The following ATP9B variants were observed in gnomAD, a reference collection of about 807,000 sequenced individuals.
ATP9B encodes probable phospholipid-transporting ATPase IIB.
ATP9B carries 110 observed loss-of-function variants against 146.1 expected under a neutral mutation model. The observed-to-expected ratio is 0.75, with a 90% CI of 0.65 to 0.88. ATP9B has a LOEUF of 0.88. Ranked by LOEUF, ATP9B falls within the 40% of genes least tolerant of loss-of-function variation. ATP9B has a pLI of 0.00. For synonymous variants in ATP9B, 604 were observed against 569.7 expected, an observed-to-expected ratio of 1.06 and a Z score of -0.86; for missense variants, 1,499 against 1,496.4, an observed-to-expected ratio of 1.00 and a Z score of -0.03.
rs1049994363 is a variant in ATP9B at position 79,227,963 on chromosome 18, A to C, written c.1107+13925A>C. On this transcript the variant is annotated intron_variant, in intron 11 of 29. Coordinates refer to ENST00000426216, the MANE Select transcript of ATP9B (RefSeq NM_198531.5). ...TCCTTTCATGAGGGTTGAAAATCTC[A>C]TATTTGTTCACTTTGTATACATTAG... Among the ~76,000 whole-genome samples the C allele has an allele frequency of 2.0e-5, 3 of 152,104 alleles. No homozygotes were observed. The East Asian group carries it at 5.8e-4, about 29-fold the overall frequency.
At chr18:79,295,083 AATG>A (rs2096537870) in intron 13 of ATP9B, among the ~76,000 whole-genome samples, 1 of 129,608 alleles carries the variant, frequency 7.7e-6, no homozygotes, top group Non-Finnish European at 1.6e-5. Context: ...TGCATCCATG[AATG>A]CAAGCACACA....
chr18:79,182,168 T>G (rs183417504), intron 8 of ATP9B, among the ~76,000 whole-genome samples: 37 of 152,358 alleles, frequency 2.4e-4, no homozygotes, highest in African/African-American at 7.9e-4. Context: ...ATGATCCTGC[T>G]GGGATCCTGC....
At chr18:79,258,989 T>C (rs2096113281) in intron 12 of ATP9B, among the ~76,000 whole-genome samples, 1 of 152,248 alleles carries the variant, frequency 6.6e-6, no homozygotes, top group African/African-American at 2.4e-5. Flanking sequence ...TGCTTTTGGA[T>C]TGAATAAAGG....
intron 11 of ATP9B, among the ~76,000 whole-genome samples, chr18:79,217,245 C>T (rs1036079646): frequency 1.1e-4 from 16 of 152,286 alleles, no homozygotes; most frequent in African/African-American, 3.4e-4. Context: ...AGTGCGGTGG[C>T]GCAATCTCGG....
At chr18:79,082,101 A>T (rs529196803) in intron 1 of ATP9B, among the ~76,000 whole-genome samples, 3 of 152,040 alleles carry the variant, frequency 2.0e-5, no homozygotes, top group Non-Finnish European at 2.9e-5. Flanking sequence ...GGCTTTGTTC[A>T]TTCCTTTTCA....
At chr18:79,262,784 C>A (rs1247960753) in intron 12 of ATP9B, among the ~76,000 whole-genome samples, 1 of 152,164 alleles carries the variant, frequency 6.6e-6, no homozygotes, top group Non-Finnish European at 1.5e-5. Context: ...GTATCTTCAC[C>A]CAGTTTCAGA....
At chr18:79,089,668 CGATACATATGATGTTTT>C (rs1219682949) in intron 1 of ATP9B, among the ~76,000 whole-genome samples, 11 of 152,240 alleles carry the variant, frequency 7.2e-5, no homozygotes, top group Admixed American at 7.2e-4. Flanking sequence ...GACATTTATG[CGATACATATGATGTTTT>C]GATACATGCA....
At chr18:79,130,140 C>T (rs1166891061) in intron 5 of ATP9B, among the ~76,000 whole-genome samples, 2 of 152,180 alleles carry the variant, frequency 1.3e-5, no homozygotes, top group Non-Finnish European at 2.9e-5. Flanking sequence ...CTGAGGAAAG[C>T]CAGACATCAG....
intron 11 of ATP9B, among the ~76,000 whole-genome samples, chr18:79,235,635 C>T (rs549083732): frequency 1.4e-5 from 2 of 140,374 alleles, no homozygotes; most frequent in South Asian, 2.2e-4. Context: ...ACTCATGGTG[C>T]GTCACACTTG....
chr18:79,132,016 A>C (rs973470403), intron 5 of ATP9B, among the ~76,000 whole-genome samples: 1 of 152,216 alleles, frequency 6.6e-6, no homozygotes, highest in Non-Finnish European at 1.5e-5. Context: ...TGGTGATGAA[A>C]GTGTTTTGGG....
chr18:79,253,381 G>T lies in ATP9B; in HGVS notation c.1108G>T (p.Val370Phe), dbSNP rs746452091. ...VMNTSNPKNKVGLLDLELNRL... is the reference protein window; with the variant it reads ...VMNTSNPKNKFGLLDLELNRL... The stretch of plus-strand genomic sequence containing the variant: ...CATGTATTATGTGTTTTTCTTTCAG[G>T]TTGGTTTGTTGGACCTTGAACTCAA... The change falls in exon 12 of 30, where the codon GTT becomes TTT. Residue 370 changes from valine to phenylalanine, a missense_variant and splice_region_variant. Coordinates refer to ENST00000426216, the MANE Select transcript of ATP9B (RefSeq NM_198531.5). The T allele has an allele frequency of 6.2e-7, 1 of 1,603,358 alleles. No homozygotes were observed. Among genetic ancestry groups the T allele is most frequent in the Non-Finnish European group, 8.5e-7 (1 of 1,177,296 alleles).
chr18:79,191,715 G>A (rs1172438003), intron 8 of ATP9B, among the ~76,000 whole-genome samples: 1 of 152,106 alleles, frequency 6.6e-6, no homozygotes, highest in Non-Finnish European at 1.5e-5. Flanking sequence ...TACTCGTTAG[G>A]AGCATGTTTT....
chr18:79,231,750 C>T (rs974464870), intron 11 of ATP9B, among the ~76,000 whole-genome samples: 5 of 139,842 alleles, frequency 3.6e-5, no homozygotes, highest in African/African-American at 1.3e-4. Flanking sequence ...CATCAATCAA[C>T]GAGTAGATAA....
At position 79,255,765 on chromosome 18, in the gene ATP9B, G is replaced by A. The variant is rs371022692; in HGVS notation, c.1268+2224G>A. On this transcript the variant is annotated intron_variant, in intron 12 of 29. Transcript: ENST00000426216. ...TAGCTCCACGTAAGGCACATAGAGG[G>A]GCACATATGCATGTTTGTGCCAGCT... Among the ~76,000 whole-genome samples the A allele has an allele frequency of 1.4e-4, 22 of 152,274 alleles. No individual in the cohort carries two copies. The South Asian group carries it at 4.4e-3, about 30-fold the overall frequency.
chr18:79,073,657 C>G (rs571743326), intron 1 of ATP9B, among the ~76,000 whole-genome samples: 1 of 151,886 alleles, frequency 6.6e-6, no homozygotes. Flanking sequence ...CCGTGGAAAG[C>G]GGGAGACGGA....
At chr18:79,349,937 G>A (rs1038462963) in intron 25 of ATP9B, among the ~76,000 whole-genome samples, 7 of 141,176 alleles carry the variant, frequency 5.0e-5, no homozygotes, top group Non-Finnish European at 9.0e-5. Context: ...AGGCTGCGCA[G>A]TTGTATTACC....
chr18:79,111,738 A>G (rs1178083237), intron 3 of ATP9B, among the ~76,000 whole-genome samples: 1 of 152,220 alleles, frequency 6.6e-6, no homozygotes, highest in Non-Finnish European at 1.5e-5. Flanking sequence ...GTGTAAGTCC[A>G]CACAGCCTGC....
intron 20 of ATP9B, among the ~76,000 whole-genome samples, chr18:79,342,846 G>A (rs903444150): frequency 6.6e-6 from 1 of 152,124 alleles, no homozygotes; most frequent in African/African-American, 2.4e-5. Flanking sequence ...ATGTTGTCCA[G>A]AAGCTGCTGT....
chr18:79,233,649 G>T (rs2095812782), intron 11 of ATP9B, among the ~76,000 whole-genome samples: 1 of 152,156 alleles, frequency 6.6e-6, no homozygotes. Flanking sequence ...AGATGTTGAT[G>T]AACAGGAGGA....
Sources: gnomAD v4.1 joint callset for allele counts (sites outside exome capture counted in the v4.1 genomes callset) on GRCh38, gnomAD v4.1.1 for gene constraint, MANE v1.5 for transcripts, NCBI Gene and HGNC (gene_info 2026-07-23, HGNC 2026-07-21) for gene names.